The following DMRT1 variants were observed in gnomAD, a reference collection of about 807,000 sequenced individuals.
The protein encoded by DMRT1 is doublesex- and mab-3-related transcription factor 1.
DMRT1 carries 7 observed loss-of-function variants against 32.3 expected under a neutral mutation model. The observed-to-expected ratio is 0.22, with a 90% CI of 0.12 to 0.41. The LOEUF is 0.41. Ranked by LOEUF, DMRT1 falls within the 10% of genes least tolerant of loss-of-function variation. DMRT1 has a pLI of 1.00. For missense variants in DMRT1, 625 were observed against 500.5 expected (o/e 1.25, Z -2.37); for synonymous variants, 278 against 206.1 (o/e 1.35, Z -2.99).
At chr9:949,425 C>T (rs755740072) in intron 4 of DMRT1, among the ~76,000 whole-genome samples, 13 of 151,980 alleles carry the variant, frequency 8.6e-5, no homozygotes, top group African/African-American at 1.5e-4. Flanking sequence ...TTGACAATAC[C>T]GAAAGCTGTT....
chr9:866,548 T>C (rs1815998455), intron 2 of DMRT1, among the ~76,000 whole-genome samples: 1 of 152,212 alleles, frequency 6.6e-6, no homozygotes, highest in Non-Finnish European at 1.5e-5. Context: ...TTGTGTTTAC[T>C]TGAAAATAAA....
chr9:846,770 G>A (rs1331114071), intron 1 of DMRT1, among the ~76,000 whole-genome samples, 190 bp from the exon 2 acceptor site: 1 of 152,158 alleles, frequency 6.6e-6, no homozygotes, highest in Non-Finnish European at 1.5e-5. Context: ...AGCACCTACT[G>A]TCTGGCTCAA....
chr9:855,604 A>G (rs1364959833), intron 2 of DMRT1, among the ~76,000 whole-genome samples: 3 of 152,226 alleles, frequency 2.0e-5, no homozygotes, highest in South Asian at 4.1e-4. Flanking sequence ...GTTCTGTGAT[A>G]TTTTAAACAT....
Position 953,279 on chromosome 9 carries a change from GA to G in DMRT1, c.968-14696del, listed in dbSNP as rs1013608141. On this transcript the variant is annotated intron_variant, in intron 4 of 4. Coordinates refer to ENST00000382276, the MANE Select transcript of DMRT1 (RefSeq NM_021951.3). ...TTTAATAAGCCTCCTTTATTATGGA[GA>G]AAAAAAAAAGTCTGTGTATCTTTTT... Among the ~76,000 whole-genome samples the G allele has an allele frequency of 2.4e-3, 352 of 148,524 alleles. 1 individual carries two copies. Among genetic ancestry groups the G allele is most frequent in the African/African-American group, 7.9e-3 (323 of 40,694 alleles).
At chr9:938,049 A>T (rs1422801938) in intron 4 of DMRT1, among the ~76,000 whole-genome samples, 1 of 152,094 alleles carries the variant, frequency 6.6e-6, no homozygotes, top group African/African-American at 2.4e-5. Flanking sequence ...ATCTAACTCT[A>T]TTCTTTGGTA....
At chr9:872,362 A>G (rs367577969) in intron 2 of DMRT1, among the ~76,000 whole-genome samples, 22 of 152,280 alleles carry the variant, frequency 1.4e-4, no homozygotes, top group East Asian at 1.4e-3. Context: ...CGCCCGGCCA[A>G]AACTCACTAT....
chr9:883,523 G>A (rs1472069736), intron 2 of DMRT1, among the ~76,000 whole-genome samples: 4 of 151,648 alleles, frequency 2.6e-5, no homozygotes, highest in Admixed American at 6.6e-5. Flanking sequence ...CGGGTGCAGC[G>A]ACTCACACCT....
chr9:871,998 A>C (rs1456688112), intron 2 of DMRT1, among the ~76,000 whole-genome samples: 1 of 151,370 alleles, frequency 6.6e-6, no homozygotes, highest in Non-Finnish European at 1.5e-5. Flanking sequence ...TAGGAAGCAG[A>C]CTTTATATTA....
At chr9:925,708 G>T (rs140655513) in intron 4 of DMRT1, among the ~76,000 whole-genome samples, 10 of 152,254 alleles carry the variant, frequency 6.6e-5, no homozygotes, top group Non-Finnish European at 1.5e-4. Flanking sequence ...TCCAGTGTCT[G>T]TAAGACAATA....
At chr9:952,107 A>T (rs894319878) in intron 4 of DMRT1, among the ~76,000 whole-genome samples, 35 of 152,224 alleles carry the variant, frequency 2.3e-4, no homozygotes, top group Middle Eastern at 3.2e-3. Flanking sequence ...ACCCAGCCAG[A>T]ATGTAATCCC....
chr9:919,202 T>G (rs1419395922), intron 4 of DMRT1, among the ~76,000 whole-genome samples: 1 of 152,218 alleles, frequency 6.6e-6, no homozygotes, highest in South Asian at 2.1e-4. Context: ...AATAGGGATT[T>G]CTAAAGAACT....
intron 2 of DMRT1, among the ~76,000 whole-genome samples, chr9:861,835 G>A (rs191644708): frequency 0.034 from 5,114 of 148,340 alleles, 335 homozygotes; most frequent in African/African-American, 0.11. Flanking sequence ...CGGGGCGGCC[G>A]GTCAGAGACG....
At chr9:910,542 G>C (rs1817936741) in intron 3 of DMRT1, among the ~76,000 whole-genome samples, 1 of 151,238 alleles carries the variant, frequency 6.6e-6, no homozygotes, top group Non-Finnish European at 1.5e-5. Context: ...AAAAAGAAGT[G>C]AACTCAAACA....
chr9:878,209 CCA>C (rs200873092), intron 2 of DMRT1, among the ~76,000 whole-genome samples: 74 of 127,172 alleles, frequency 5.8e-4, no homozygotes, highest in Middle Eastern at 3.8e-3. Flanking sequence ...TGCCCCCCCC[CCA>C]CCCAATAAAA....
chr9:951,653 A>G (rs1819430869), intron 4 of DMRT1, among the ~76,000 whole-genome samples: 1 of 152,180 alleles, frequency 6.6e-6, no homozygotes, highest in African/African-American at 2.4e-5. Flanking sequence ...TTCTTTGAAG[A>G]GCTCCAAGCA....
rs1817977820 is a variant in DMRT1 at position 911,466 on chromosome 9, T to C, written c.823-5297T>C. Among the ~76,000 whole-genome samples the C allele has an allele frequency of 2.8e-5, 4 of 142,292 alleles. No individual in the cohort carries two copies. The South Asian group carries it at 6.8e-4, about 24-fold the overall frequency. 93.3% of individuals were successfully genotyped at this position (142,292 alleles called of 152,430 possible). A position where few individuals can be genotyped will look rare whatever the true frequency, so the allele number is the denominator to read the frequency against. On this transcript the variant is annotated intron_variant, in intron 3 of 4. Coordinates refer to ENST00000382276, the MANE Select transcript of DMRT1 (RefSeq NM_021951.3). Reference sequence around the variant, plus strand: ...TCTGCCATGCCTTTTTCTGGGTTAATTGCATTTTTTTTTTTTTTTTTTTTT... The same window carrying C: ...TCTGCCATGCCTTTTTCTGGGTTAACTGCATTTTTTTTTTTTTTTTTTTTT...
intron 2 of DMRT1, among the ~76,000 whole-genome samples, chr9:866,954 G>A (rs1355837485): frequency 1.3e-5 from 2 of 152,128 alleles, no homozygotes; most frequent in African/African-American, 4.8e-5. Flanking sequence ...CTTTGGGTGT[G>A]CTATTTTCAT....
chr9:897,837 A>T (rs909755096), intron 3 of DMRT1, among the ~76,000 whole-genome samples: 6 of 152,190 alleles, frequency 3.9e-5, no homozygotes, highest in Non-Finnish European at 7.3e-5. Flanking sequence ...ACATATGTTA[A>T]CTATTATCAA....
At chr9:938,700 A>C (rs1818965639) in intron 4 of DMRT1, among the ~76,000 whole-genome samples, 2 of 152,152 alleles carry the variant, frequency 1.3e-5, no homozygotes. Context: ...AACAAAGATA[A>C]TTGTACTTCT....
Sources: allele counts gnomAD v4.1 joint callset (sites outside exome capture counted in the v4.1 genomes callset), GRCh38; gene constraint gnomAD v4.1.1; transcripts MANE v1.5; gene names NCBI Gene and HGNC (gene_info 2026-07-23, HGNC 2026-07-21).